Variants in L3MBTL4 observed in about 807,000 individuals in gnomAD.
The protein encoded by L3MBTL4 is L3MBTL histone methyl-lysine binding protein 4.
Under a neutral mutation model 84.5 loss-of-function variants are expected in L3MBTL4, and 70 were observed. The ratio of observed to expected loss-of-function variants is 0.83; its 90% CI spans 0.68 to 1.01. The LOEUF (loss-of-function observed/expected upper bound fraction) is 1.01. Ranked by LOEUF, L3MBTL4 falls within the 50% of genes least tolerant of loss-of-function variation. L3MBTL4 has a pLI of 0.00. For synonymous variants in L3MBTL4, 274 were observed against 259.8 expected (o/e 1.05, Z -0.52); for missense variants, 715 against 754.8 (o/e 0.95, Z 0.62).
At chr18:6,190,388 C>T (rs1422463585) in intron 12 of L3MBTL4, among the ~76,000 whole-genome samples, 7 of 152,126 alleles carry the variant, frequency 4.6e-5, no homozygotes, top group Non-Finnish European at 1.0e-4. Flanking sequence ...TAAAAATTCA[C>T]TGAGCTGTAC....
intron 16 of L3MBTL4, among the ~76,000 whole-genome samples, chr18:5,974,531 A>T (rs1360127637): frequency 1.3e-5 from 2 of 152,142 alleles, no homozygotes; most frequent in Non-Finnish European, 2.9e-5. Flanking sequence ...GGGAAGGCCA[A>T]TTTTTCCAGA....
chr18:6,376,299 C>T (rs953999566), intron 1 of L3MBTL4, among the ~76,000 whole-genome samples: 1 of 152,206 alleles, frequency 6.6e-6, no homozygotes, highest in Non-Finnish European at 1.5e-5. Context: ...TCCTGTCAGT[C>T]GTGAAAATTA....
intron 1 of L3MBTL4, chr18:6,395,391 G>C (rs1388992509): frequency 6.6e-6 from 1 of 152,050 alleles, no homozygotes; most frequent in Non-Finnish European, 1.5e-5. Flanking sequence ...TTCACGAAAT[G>C]TTCTGGCTTC....
chr18:6,306,419 T>C lies in L3MBTL4; in HGVS notation c.73-4462A>G, dbSNP rs566246553. On this transcript the variant is annotated intron_variant, in intron 3 of 18. Coordinates refer to ENST00000317931, the MANE Select transcript of L3MBTL4 (RefSeq NM_001330559.2). ...TACAAAAAACAAAAAGCAAAAAATA[T>C]AACAAAGCCTTATAAATACATGAAT... 2.6e-5 allele frequency among the ~76,000 whole-genome samples: 4 copies of C among 152,260 alleles called. No individual in the cohort carries two copies. In the South Asian group the frequency reaches 8.3e-4, roughly 32 times the overall value.
chr18:6,027,496 T>A (rs2055565849), intron 16 of L3MBTL4, among the ~76,000 whole-genome samples: 1 of 152,250 alleles, frequency 6.6e-6, no homozygotes, highest in Admixed American at 6.5e-5. Flanking sequence ...GCAATAAACA[T>A]ATGTGTGCAT....
intron 16 of L3MBTL4, among the ~76,000 whole-genome samples, chr18:5,999,485 T>C (rs760590347): frequency 1.3e-5 from 2 of 152,214 alleles, no homozygotes; most frequent in African/African-American, 2.4e-5. Flanking sequence ...CTGTGCTTCA[T>C]AAAAATGTGT....
intron 16 of L3MBTL4, among the ~76,000 whole-genome samples, chr18:5,989,544 T>C (rs2053599224): frequency 6.6e-6 from 1 of 152,206 alleles, no homozygotes; most frequent in African/African-American, 2.4e-5. Context: ...GTAAAACCAT[T>C]GTAGAGCAAA....
chr18:6,295,746 T>G lies in L3MBTL4; in HGVS notation c.127+6157A>C, dbSNP rs76440632. 5.7e-3 allele frequency among the ~76,000 whole-genome samples: 868 copies of G among 152,234 alleles called. 18 individuals carry two copies. In the East Asian group the frequency reaches 0.075, roughly 13 times the overall value. ...CCTGTTAATCCTCCACTGAGTGTCA[T>G]GGCTCAGTGGAAATATAATTCTTTA... On this transcript the variant is annotated intron_variant, in intron 4 of 18. Transcript: ENST00000317931.
At chr18:6,012,906 C>G (rs1171079616) in intron 16 of L3MBTL4, among the ~76,000 whole-genome samples, 2 of 152,136 alleles carry the variant, frequency 1.3e-5, no homozygotes, top group African/African-American at 4.8e-5. Flanking sequence ...CTCGTTCCAT[C>G]TCTAATTTGC....
intron 14 of L3MBTL4, among the ~76,000 whole-genome samples, chr18:6,124,308 A>T (rs1179691956): frequency 6.6e-6 from 1 of 152,036 alleles, no homozygotes; most frequent in Non-Finnish European, 1.5e-5. Context: ...CAGAGGAAAA[A>T]ATGGTCTCGT....
At chr18:6,285,154 A>T (rs1444980239) in intron 4 of L3MBTL4, among the ~76,000 whole-genome samples, 2 of 152,168 alleles carry the variant, frequency 1.3e-5, no homozygotes, top group Non-Finnish European at 2.9e-5. Context: ...CAGCTCTTGG[A>T]GCAAAGGAGC....
At chr18:6,399,734 C>T (rs895289181) in intron 1 of L3MBTL4, 2 of 152,166 alleles carry the variant, frequency 1.3e-5, no homozygotes, top group Admixed American at 6.5e-5. Context: ...GTTCAGCTAA[C>T]CTTAATAAGA....
intron 1 of L3MBTL4, among the ~76,000 whole-genome samples, chr18:6,391,446 C>T (rs1055105335): frequency 1.3e-5 from 2 of 152,020 alleles, no homozygotes; most frequent in African/African-American, 4.8e-5. Context: ...CCACTTTCAC[C>T]ATTTCTATTC....
At chr18:6,203,906 T>C (rs1362439047) in intron 12 of L3MBTL4, among the ~76,000 whole-genome samples, 1 of 152,208 alleles carries the variant, frequency 6.6e-6, no homozygotes, top group East Asian at 1.9e-4. Context: ...AGCTCTGGAA[T>C]GAAGCCTCAG....
chr18:6,009,053 C>T (rs538888845), intron 16 of L3MBTL4, among the ~76,000 whole-genome samples: 3 of 152,266 alleles, frequency 2.0e-5, no homozygotes, highest in South Asian at 2.1e-4. Context: ...ACCACACAGA[C>T]CTCGGGAGGG....
chr18:6,300,712 T>A (rs2146820673), intron 4 of L3MBTL4, among the ~76,000 whole-genome samples: 1 of 152,268 alleles, frequency 6.6e-6, no homozygotes, highest in East Asian at 1.9e-4. Context: ...CTAAAACAAT[T>A]TACATTAGTG....
chr18:6,097,870 C>T (rs2058691946), intron 14 of L3MBTL4, among the ~76,000 whole-genome samples: 1 of 152,168 alleles, frequency 6.6e-6, no homozygotes, highest in African/African-American at 2.4e-5. Context: ...ACGACTTCTG[C>T]CTCTTACTCT....
chr18:6,243,823 C>A (rs999327263), intron 6 of L3MBTL4, among the ~76,000 whole-genome samples: 2 of 152,170 alleles, frequency 1.3e-5, no homozygotes, highest in African/African-American at 4.8e-5. Flanking sequence ...CAAAGCACAA[C>A]TAAAATAAGC....
At chr18:6,012,402 G>C (rs9945752) in intron 16 of L3MBTL4, among the ~76,000 whole-genome samples, 1 of 152,152 alleles carries the variant, frequency 6.6e-6, no homozygotes, top group Admixed American at 6.5e-5. Flanking sequence ...CAAATCTCTG[G>C]TGTAGATAAT....
Sources: gnomAD v4.1 joint callset for allele counts (sites outside exome capture counted in the v4.1 genomes callset) on GRCh38, gnomAD v4.1.1 for gene constraint, MANE v1.5 for transcripts, NCBI Gene and HGNC (gene_info 2026-07-23, HGNC 2026-07-21) for gene names.